The following COL5A1 variants were observed in gnomAD, a reference collection of about 807,000 sequenced individuals.
COL5A1 encodes the protein collagen type V alpha 1 chain.
In COL5A1, 16 loss-of-function variants were observed where a neutral mutation model predicts 263.7. The ratio of observed to expected loss-of-function variants is 0.06; its 90% confidence interval spans 0.04 to 0.09. COL5A1 has a LOEUF of 0.09. Ranked by LOEUF, COL5A1 falls within the 10% of genes least tolerant of loss-of-function variation. The pLI is 1.00. For missense variants in COL5A1, 2,036 were observed against 2,540.5 expected (o/e 0.80, Z 4.27); for synonymous variants, 1,012 against 1,004.5 (o/e 1.01, Z -0.14).
At chr9:134,772,990 T>TG (rs895136994) in intron 26 of COL5A1, among the ~76,000 whole-genome samples, 156 bp downstream of exon 26, 12 of 152,238 alleles carry the variant, frequency 7.9e-5, no homozygotes, top group South Asian at 4.1e-4. Flanking sequence ...GGACCCAGCC[T>TG]GGGGGGGACA....
At chr9:134,796,726 AG>A (rs1837922377) in intron 35 of COL5A1, 121 bp from the exon 36 acceptor site, 1 of 951,988 alleles carries the variant, frequency 1.1e-6, no homozygotes, top group African/African-American at 1.6e-5. Context: ...AATGGAGGAA[AG>A]GCCATGGGGG....
intron 26 of COL5A1, among the ~76,000 whole-genome samples, 192 bp from the exon 27 acceptor site, chr9:134,774,667 A>G (rs754636403): frequency 6.6e-6 from 1 of 152,086 alleles, no homozygotes; most frequent in Admixed American, 6.5e-5. Flanking sequence ...AGACACAGCC[A>G]CACCTCCACT....
chr9:134,646,520 G>T (rs532026997), intron 1 of COL5A1, among the ~76,000 whole-genome samples: 32 of 152,360 alleles, frequency 2.1e-4, no homozygotes, highest in African/African-American at 7.7e-4. Flanking sequence ...TGGCTGGAAA[G>T]CCCCTCATTC....
intron 11 of COL5A1, among the ~76,000 whole-genome samples, chr9:134,747,877 A>G (rs1369488179): frequency 2.0e-5 from 3 of 151,302 alleles, no homozygotes; most frequent in African/African-American, 4.9e-5. Context: ...ATGCAGACAC[A>G]TGCACACATG....
chr9:134,759,243 A>C lies in COL5A1; in HGVS notation c.1935+947A>C, dbSNP rs565170304. Among the ~76,000 whole-genome samples the C allele has an allele frequency of 4.5e-4, 61 of 135,884 alleles. 2 individuals are homozygous for C. The highest frequency in any genetic ancestry group is 1.8e-3 in the African/African-American group (60 of 33,306). The allele number at this position is 135,884 out of a possible 152,430, so 89.1% of individuals were successfully genotyped here. A position where few individuals can be genotyped will look rare whatever the true frequency, so the allele number is the denominator to read the frequency against. On this transcript the variant is annotated intron_variant, in intron 18 of 65. Coordinates refer to ENST00000371817, the MANE Select transcript of COL5A1 (RefSeq NM_000093.5). ...ACACACCCACACATACACCACATAC[A>C]CCACACATGTGTGCGCGCACACACT...
intron 14 of COL5A1, among the ~76,000 whole-genome samples, chr9:134,753,310 G>A: frequency 6.6e-6 from 1 of 152,218 alleles, no homozygotes. Context: ...TGGGCTGCCA[G>A]TGTCAGGCAC....
At chr9:134,728,203 G>A (rs1055474674) in intron 5 of COL5A1, among the ~76,000 whole-genome samples, 1 of 152,244 alleles carries the variant, frequency 6.6e-6, no homozygotes, top group Non-Finnish European at 1.5e-5. Context: ...CCGGCCTCCT[G>A]CCAGGCTCCT....
In COL5A1 at chr9:134,707,393, C is replaced by T. The variant is rs140103258; in HGVS notation, c.654+6060C>T. Among the ~76,000 whole-genome samples the T allele has an allele frequency of 4.1e-3, 629 of 152,244 alleles. 4 individuals carry two copies. Among genetic ancestry groups the T allele is most frequent in the African/African-American group, 0.014 (596 of 41,558 alleles). ...ATTTCAGCCTTTGAAAAACACCGAG[C>T]GGTTTACCTAATCCCTGATTCCCTT... On this transcript the variant is annotated intron_variant, in intron 4 of 65. Coordinates refer to ENST00000371817, the MANE Select transcript of COL5A1 (RefSeq NM_000093.5).
intron 1 of COL5A1, among the ~76,000 whole-genome samples, chr9:134,679,835 C>CG (rs1197041063): frequency 6.6e-6 from 1 of 151,942 alleles, no homozygotes; most frequent in African/African-American, 2.4e-5. Context: ...CCAGTCCCCT[C>CG]GCGAGGCCCC....
chr9:134,802,098 C>T lies in COL5A1; in HGVS notation c.3006+91C>T, dbSNP rs373809625. 185 of 1,304,468 alleles carry T rather than the reference C, an allele frequency of 1.4e-4. 1 individual carries two copies. The highest frequency in any genetic ancestry group is 1.4e-3 in the East Asian group (61 of 43,364). The allele number at this position is 1,304,468 out of a possible 1,614,324, so 80.8% of individuals were successfully genotyped here. ...CCAGCCCGGGCATCTGTTCCCTCCA[C>T]GATTCCGGAGGTGCAGGTACTGCTG... On this transcript the variant is annotated intron_variant, in intron 38 of 65. Coordinates refer to ENST00000371817, the MANE Select transcript of COL5A1 (RefSeq NM_000093.5).
At chr9:134,756,656 G>A in intron 16 of COL5A1, 109 bp from the exon 17 acceptor site, 1 of 1,205,950 alleles carries the variant, frequency 8.3e-7, no homozygotes, top group Non-Finnish European at 1.2e-6. Context: ...CTTGGGGGTG[G>A]GCGCGGCTCT....
intron 64 of COL5A1, among the ~76,000 whole-genome samples, chr9:134,834,293 C>T (rs1175950251): frequency 6.6e-6 from 1 of 152,208 alleles, no homozygotes; most frequent in Non-Finnish European, 1.5e-5. Context: ...GGCAGGTCTT[C>T]ATGCAAGCCA....
At chr9:134,663,799 G>A (rs752686381) in intron 1 of COL5A1, among the ~76,000 whole-genome samples, 3 of 152,170 alleles carry the variant, frequency 2.0e-5, no homozygotes, top group Non-Finnish European at 2.9e-5. Context: ...TTTCATTCAC[G>A]ACAGCTGTCA....
rs1233542654 is a variant in COL5A1, at chr9:134,754,472, A to T, written c.1827+146A>T. 3.2e-6 allele frequency: 3 copies of T among 932,318 alleles called. No homozygotes were observed. Among genetic ancestry groups the T allele is most frequent in the Non-Finnish European group, 3.4e-6 (2 of 582,888 alleles). 57.8% of individuals were successfully genotyped at this position (932,318 alleles called of 1,614,324 possible). A position where few individuals can be genotyped will look rare whatever the true frequency, so the allele number is the denominator to read the frequency against. ...CTTGTGATGGGTGCGTCCATCCCCA[A>T]GGCTGCCTCTGAGCCAGCTGCCTGG... On this transcript the variant is annotated intron_variant, in intron 16 of 65. Coordinates refer to ENST00000371817, the MANE Select transcript of COL5A1 (RefSeq NM_000093.5). The surrounding 1 kb of genome is among the most constrained non-coding windows in gnomAD (Gnocchi z 4.3).
intron 42 of COL5A1, among the ~76,000 whole-genome samples, chr9:134,807,831 G>A (rs766796942): frequency 2.0e-5 from 3 of 152,242 alleles, no homozygotes; most frequent in Non-Finnish European, 4.4e-5. Flanking sequence ...GGCAGTCAGT[G>A]TATAGAGTGC....
rs993109939 is a variant in COL5A1, at chr9:134,812,575, CT to C, written c.3745-29del. 6 of 1,610,912 alleles carry C rather than the reference CT, an allele frequency of 3.7e-6. No homozygotes were observed. The African/African-American group carries it at 6.7e-5, about 18-fold the overall frequency. On this transcript the variant is annotated intron_variant, in intron 47 of 65. Transcript: ENST00000371817. Reference sequence around the variant, plus strand: ...TTTTGGGGAAACATTTGCGTTTCCTCTGGGCTCAGTGGTCTCTCCCTTTTCC... The same window carrying C: ...TTTTGGGGAAACATTTGCGTTTCCTCGGGCTCAGTGGTCTCTCCCTTTTCC...
At chr9:134,732,798 C>T (rs1042542197) in intron 9 of COL5A1, 13 of 158,164 alleles carry the variant, frequency 8.2e-5, no homozygotes, top group East Asian at 5.6e-4. Flanking sequence ...CTGGTTGGCG[C>T]GTTTGGTGGG....
chr9:134,674,257 A>G (rs1832626290), intron 1 of COL5A1, among the ~76,000 whole-genome samples: 1 of 152,214 alleles, frequency 6.6e-6, no homozygotes, highest in African/African-American at 2.4e-5. Context: ...TCAAGCAGGG[A>G]GCAGCCCAAG....
At chr9:134,785,479 A>G (rs1837422108) in intron 30 of COL5A1, among the ~76,000 whole-genome samples, 2 of 152,182 alleles carry the variant, frequency 1.3e-5, no homozygotes, top group African/African-American at 2.4e-5. Context: ...GCAGGAAGGA[A>G]GGCCGGGGTC....
Sources: allele counts gnomAD v4.1 joint callset (sites outside exome capture counted in the v4.1 genomes callset), GRCh38; gene constraint gnomAD v4.1.1; non-coding constraint Gnocchi (gnomAD v3.1); transcripts MANE v1.5; gene names NCBI Gene and HGNC (gene_info 2026-07-23, HGNC 2026-07-21).